The following BPI variants were observed in gnomAD, a reference collection of about 807,000 sequenced individuals.
BPI encodes bactericidal permeability increasing protein.
Under a neutral mutation model 57.6 loss-of-function variants are expected in BPI, and 48 were observed. The observed-to-expected ratio is 0.83, with a 90% CI of 0.66 to 1.06. The LOEUF (loss-of-function observed/expected upper bound fraction) is 1.06, where lower values mean the gene tolerates loss of function less well. BPI is among the 50% of genes least tolerant of loss of function. The pLI, the probability that BPI is intolerant of heterozygous loss-of-function variation, is 0.00. For missense variants in BPI, 651 were observed against 609.7 expected (o/e 1.07, Z -0.71); for synonymous variants, 237 against 238.2 (o/e 0.99, Z 0.05).
intron 13 of BPI, 46 bp downstream of exon 13, chr20:38,334,539 AG>A (rs2076757826): frequency 6.3e-7 from 1 of 1,584,492 alleles, no homozygotes; most frequent in East Asian, 2.2e-5. Flanking sequence ...ATGGGGGAAG[AG>A]GGTGGGGTTG....
At position 38,331,027 on chromosome 20, in the gene BPI, C is replaced by T. The variant is rs188101694; in HGVS notation, c.1230-21C>T. 1.3e-5 allele frequency: 21 copies of T among 1,613,718 alleles called. No individual in the cohort carries two copies. In the African/African-American group the frequency reaches 2.4e-4, roughly 18 times the overall value. ...TAGTCAGGCAATTGGTGGTCTCAGT[C>T]CCCTCCTCCCCCTCTCACAGGCTGC... On this transcript the variant is annotated intron_variant, in intron 11 of 14. Transcript: ENST00000642449.
chr20:38,324,713 A>AC, intron 8 of BPI, 61 bp from the exon 9 acceptor site: 1 of 1,384,590 alleles, frequency 7.2e-7, no homozygotes, highest in Non-Finnish European at 1.0e-6. Flanking sequence ...TACAGAACTC[A>AC]CCCCCTCTGC....
At chr20:38,312,000 TC>T in intron 5 of BPI, 63 bp downstream of exon 5, 1 of 1,509,096 alleles carries the variant, frequency 6.6e-7, no homozygotes, top group Non-Finnish European at 9.2e-7. Flanking sequence ...ACCACACACC[TC>T]CCCCTTCTAC....
chr20:38,310,179 A>G (rs954938516), intron 3 of BPI, among the ~76,000 whole-genome samples: 7 of 152,208 alleles, frequency 4.6e-5, no homozygotes, highest in African/African-American at 7.2e-5. Context: ...CTGCTGATCC[A>G]GGGTCTGAGG....
intron 5 of BPI, among the ~76,000 whole-genome samples, chr20:38,315,620 G>A (rs1160524786): frequency 6.6e-6 from 1 of 152,158 alleles, no homozygotes; most frequent in Non-Finnish European, 1.5e-5. Context: ...GGGTCCTTTG[G>A]AAAAGAGGTG....
intron 9 of BPI, among the ~76,000 whole-genome samples, chr20:38,325,887 C>T (rs1327117060): frequency 6.6e-6 from 1 of 152,148 alleles, no homozygotes; most frequent in East Asian, 1.9e-4. Context: ...CTTAGTTCCC[C>T]CTTGAAGCCA....
At chr20:38,309,406 A>G (rs1383142862) in intron 3 of BPI, among the ~76,000 whole-genome samples, 1 of 152,190 alleles carries the variant, frequency 6.6e-6, no homozygotes, top group African/African-American at 2.4e-5. Context: ...GGCTGTCATC[A>G]CTTATGTATC....
At chr20:38,330,905 G>A (rs2076738906) in intron 11 of BPI, 143 bp from the exon 12 acceptor site, 3 of 883,004 alleles carry the variant, frequency 3.4e-6, no homozygotes, top group South Asian at 3.2e-5. Flanking sequence ...AACATCGGGG[G>A]GCTGTGACCC....
intron 5 of BPI, chr20:38,317,559 T>C (rs1485370410): frequency 2.9e-6 from 2 of 689,524 alleles, no homozygotes; most frequent in East Asian, 5.4e-5. Flanking sequence ...ATTGAGTGGG[T>C]TCTGCACAGC....
intron 5 of BPI, among the ~76,000 whole-genome samples, chr20:38,314,292 A>G (rs2076638805): frequency 7.3e-6 from 1 of 136,526 alleles, no homozygotes; most frequent in Middle Eastern, 3.8e-3. Flanking sequence ...GGTGGGGATG[A>G]TGATAATGAT....
At chr20:38,326,987 T>A (rs528032119) in intron 10 of BPI, among the ~76,000 whole-genome samples, 91 of 152,378 alleles carry the variant, frequency 6.0e-4, no homozygotes, top group African/African-American at 2.1e-3. Flanking sequence ...TCACATATTT[T>A]TTAATCCTTC....
chr20:38,314,474 G>T (rs903097865), intron 5 of BPI, among the ~76,000 whole-genome samples: 2 of 146,144 alleles, frequency 1.4e-5, no homozygotes, highest in Admixed American at 1.4e-4. Context: ...TGGGGATGAT[G>T]ATAATGATGG....
chr20:38,331,123 C>A, intron 12 of BPI, 33 bp downstream of exon 12: 1 of 1,608,580 alleles, frequency 6.2e-7, no homozygotes, highest in Non-Finnish European at 8.5e-7. Flanking sequence ...CTTCTTCCTC[C>A]TTCTGACCTG....
intron 2 of BPI, 83 bp from the exon 3 acceptor site, chr20:38,308,847 T>C: frequency 6.5e-7 from 1 of 1,545,052 alleles, no homozygotes; most frequent in South Asian, 1.2e-5. Flanking sequence ...GGGGGACGAG[T>C]CTGCATTAAC....
chr20:38,318,456 C>T lies in BPI; in HGVS notation c.644C>T (p.Pro215Leu), dbSNP rs765514981. The T allele has an allele frequency of 8.1e-6, 13 of 1,613,824 alleles. No homozygotes were observed. In the East Asian group the frequency reaches 2.2e-4, roughly 28 times the overall value. The change falls in exon 6 of 15, where the codon CCT (proline) becomes CTT (leucine). Residue 215 changes from proline (P) to leucine (L), a missense_variant. Transcript: ENST00000642449. ...AATTCTGTATCCTCCGAGCTGCAAC[C>T]TTATTTCCAGACTCTGCCAGGTGAG... The part of the protein sequence containing the change: ...VTNSVSSELQ[P>L]YFQTLPVMTK...
At chr20:38,324,707 G>A (rs1246848690) in intron 8 of BPI, 67 bp from the exon 9 acceptor site, 2 of 1,354,706 alleles carry the variant, frequency 1.5e-6, no homozygotes, top group Admixed American at 3.4e-5. Flanking sequence ...CCCCGATACA[G>A]AACTCACCCC....
In BPI at chr20:38,334,423, T is replaced by C; in HGVS notation, c.1273-7T>C. ...GGCCATCCTCCCATCCTCCCTCTGATTTCCAGGTTGAATTGCTGCAGGATA... is the reference window on the plus strand; with the variant it reads ...GGCCATCCTCCCATCCTCCCTCTGACTTCCAGGTTGAATTGCTGCAGGATA... On this transcript the variant is annotated splice_polypyrimidine_tract_variant and splice_region_variant and intron_variant, in intron 12 of 14. Transcript: ENST00000642449. 6.2e-7 allele frequency: 1 copy of C among 1,613,562 alleles called. No individual in the cohort carries two copies. The highest frequency in any genetic ancestry group is 8.5e-7 in the Non-Finnish European group (1 of 1,179,462).
At chr20:38,317,648 G>T (rs1277379840) in intron 5 of BPI, 1 of 737,810 alleles carries the variant, frequency 1.4e-6, no homozygotes, top group Non-Finnish European at 2.5e-6. Context: ...AAGTCGGCAA[G>T]CCCAGATTCT....
At chr20:38,310,869 T>G (rs2076618701) in intron 4 of BPI, among the ~76,000 whole-genome samples, 2 of 152,206 alleles carry the variant, frequency 1.3e-5, no homozygotes, top group African/African-American at 4.8e-5. Context: ...CCAGCAGACT[T>G]TACTGAGCAC....
Sources: gnomAD v4.1 joint callset for allele counts (sites outside exome capture counted in the v4.1 genomes callset) on GRCh38, gnomAD v4.1.1 for gene constraint, MANE v1.5 for transcripts, NCBI Gene and HGNC (gene_info 2026-07-23, HGNC 2026-07-21) for gene names.